DYM: variants seen among roughly 807,000 people sequenced by gnomAD.
DYM encodes dyggve-Melchior-Clausen syndrome protein.
A neutral mutation model predicts 93.1 loss-of-function variants in DYM; 78 were observed. That is an observed-to-expected ratio of 0.84 (90% CI 0.70 to 1.01). DYM has a LOEUF of 1.01. Among genes scored for constraint, DYM ranks in the 50% least tolerant of loss-of-function variants. The pLI is 0.00. For synonymous variants in DYM, 321 were observed against 319.7 expected (o/e 1.00, Z -0.04); for missense variants, 789 against 845.0 (o/e 0.93, Z 0.82).
Position 49,272,162 on chromosome 18 carries a change from A to G in DYM, c.1251+16T>C. 6.2e-7 allele frequency: 1 copy of G among 1,610,968 alleles called. No homozygotes were observed. Among genetic ancestry groups the G allele is most frequent in the Non-Finnish European group, 8.5e-7 (1 of 1,177,544 alleles). On this transcript the variant is annotated intron_variant, in intron 11 of 17. Transcript: ENST00000675505. The stretch of plus-strand genomic sequence containing the variant: ...TTCTGTTAACTCTAACTCTAATCCA[A>G]GTAATGGTAACTTACCACTTCATGA...
rs145996553 is a variant in DYM, at chr18:49,121,198, G to C, written c.1729-2272C>G. Among the ~76,000 whole-genome samples the C allele has an allele frequency of 2.6e-3, 394 of 152,264 alleles. 1 individual carries two copies. Among genetic ancestry groups the C allele is most frequent in the African/African-American group, 9.1e-3 (379 of 41,552 alleles). On this transcript the variant is annotated intron_variant, in intron 15 of 17. Transcript: ENST00000675505. ...ATTTCAGCAGAGTTAAAAACTATAA[G>C]AAAGAGACAAATGGTAATGCTAGAA...
chr18:49,112,185 A>G (rs1396261107), intron 16 of DYM, among the ~76,000 whole-genome samples: 5 of 137,870 alleles, frequency 3.6e-5, no homozygotes, highest in African/African-American at 1.3e-4. Context: ...GCACCATATG[A>G]AAGAAAGGTC....
intron 15 of DYM, among the ~76,000 whole-genome samples, chr18:49,158,507 G>A (rs2086689146): frequency 6.6e-6 from 1 of 152,150 alleles, no homozygotes; most frequent in Non-Finnish European, 1.5e-5. Context: ...GGATATGACA[G>A]CATACCTACT....
intron 8 of DYM, among the ~76,000 whole-genome samples, chr18:49,326,818 T>C (rs2062913217): frequency 6.6e-6 from 1 of 152,164 alleles, no homozygotes; most frequent in African/African-American, 2.4e-5. Flanking sequence ...CTTATTTTTA[T>C]TGACGTAGAA....
intron 17 of DYM, among the ~76,000 whole-genome samples, chr18:49,061,322 G>A (rs1223684922): frequency 6.6e-6 from 1 of 152,040 alleles, no homozygotes; most frequent in Non-Finnish European, 1.5e-5. Context: ...ATGTGGAGGT[G>A]GGGGGAAGGG....
rs568405161 is a variant in DYM at position 49,352,910 on chromosome 18, T to C, written c.494+10251A>G. 5.2e-4 allele frequency among the ~76,000 whole-genome samples: 79 copies of C among 152,248 alleles called. 2 individuals are homozygous for C. The South Asian group carries it at 0.015, about 29-fold the overall frequency. ...TTTTAAAGCTTTTCAATACTCTTTATTGAAATACAATATATCTACTGCAAA... is the reference window on the plus strand; with the variant it reads ...TTTTAAAGCTTTTCAATACTCTTTACTGAAATACAATATATCTACTGCAAA... On this transcript the variant is annotated intron_variant, in intron 6 of 17. Transcript: ENST00000675505.
chr18:49,050,638 C>T (rs1038820895), intron 17 of DYM, among the ~76,000 whole-genome samples: 1 of 152,052 alleles, frequency 6.6e-6, no homozygotes, highest in Non-Finnish European at 1.5e-5. Flanking sequence ...AGTTCACAGA[C>T]AGCCCAGTAG....
chr18:49,146,214 T>G (rs982542721), intron 15 of DYM, among the ~76,000 whole-genome samples: 2 of 152,180 alleles, frequency 1.3e-5, no homozygotes, highest in African/African-American at 4.8e-5. Flanking sequence ...GAAAGCTATT[T>G]ATGACAAACC....
At chr18:49,439,652 T>C (rs1440399679) in intron 1 of DYM, among the ~76,000 whole-genome samples, 1 of 152,180 alleles carries the variant, frequency 6.6e-6, no homozygotes, top group Admixed American at 6.5e-5. Flanking sequence ...GAGTACAATA[T>C]GCTAATTAAA....
At chr18:49,382,503 A>T (rs2068146229) in intron 3 of DYM, among the ~76,000 whole-genome samples, 1 of 152,226 alleles carries the variant, frequency 6.6e-6, no homozygotes, top group Non-Finnish European at 1.5e-5. Flanking sequence ...TTACATGATC[A>T]CAGTTAATTG....
chr18:49,407,300 C>T (rs1264581458), intron 2 of DYM, among the ~76,000 whole-genome samples: 1 of 152,134 alleles, frequency 6.6e-6, no homozygotes, highest in African/African-American at 2.4e-5. Flanking sequence ...TAGAGCTATA[C>T]ATAAACACAT....
At chr18:49,217,504 G>C (rs1211066297) in intron 13 of DYM, among the ~76,000 whole-genome samples, 3 of 152,184 alleles carry the variant, frequency 2.0e-5, no homozygotes, top group South Asian at 2.1e-4. Flanking sequence ...CAGCCAGAGA[G>C]AAAGGCCGGG....
At chr18:49,096,274 C>T (rs760778740) in intron 17 of DYM, among the ~76,000 whole-genome samples, 23 of 152,116 alleles carry the variant, frequency 1.5e-4, no homozygotes, top group Non-Finnish European at 2.9e-4. Context: ...TGTGAATCTC[C>T]CTGTTGTTTA....
intron 17 of DYM, among the ~76,000 whole-genome samples, chr18:49,084,987 C>T (rs1461133646): frequency 3.3e-5 from 5 of 152,220 alleles, no homozygotes; most frequent in African/African-American, 7.2e-5. Context: ...TATGAAAAGC[C>T]ATTATATGGA....
intron 10 of DYM, among the ~76,000 whole-genome samples, chr18:49,274,392 T>C (rs1368582711): frequency 6.6e-6 from 1 of 152,180 alleles, no homozygotes; most frequent in Non-Finnish European, 1.5e-5. Flanking sequence ...TCCATTCTTC[T>C]GTTGACTAGC....
intron 8 of DYM, among the ~76,000 whole-genome samples, chr18:49,309,915 C>T (rs930951505): frequency 4.6e-5 from 7 of 152,160 alleles, no homozygotes; most frequent in African/African-American, 1.2e-4. Context: ...CCTATCCAGA[C>T]GGCATGGACC....
In DYM at chr18:49,204,781, C is replaced by T. The variant is rs375108292; in HGVS notation, c.1625+4770G>A. 7.2e-5 allele frequency among the ~76,000 whole-genome samples: 11 copies of T among 152,268 alleles called. No homozygotes were observed. The East Asian group carries it at 1.2e-3, about 16-fold the overall frequency. ...AAGCCTAGCAATGAATTGAAATTCTCAAGCGCTTACTCAAAATTCTAAATT... is the reference window on the plus strand; with the variant it reads ...AAGCCTAGCAATGAATTGAAATTCTTAAGCGCTTACTCAAAATTCTAAATT... On this transcript the variant is annotated intron_variant, in intron 14 of 17. Coordinates refer to ENST00000675505, the MANE Select transcript of DYM (RefSeq NM_001353214.3).
chr18:49,189,477 T>TA (rs973315811), intron 14 of DYM, among the ~76,000 whole-genome samples: 1 of 151,988 alleles, frequency 6.6e-6, no homozygotes, highest in Admixed American at 6.6e-5. Context: ...CCAGAGTAGT[T>TA]AAAAAAACAA....
chr18:49,405,794 G>T (rs1465820520), intron 2 of DYM, among the ~76,000 whole-genome samples: 2 of 152,056 alleles, frequency 1.3e-5, no homozygotes, highest in Admixed American at 1.3e-4. Flanking sequence ...GAATAGTATT[G>T]TATCTGTAGA....
Sources: gnomAD v4.1 joint callset for allele counts (sites outside exome capture counted in the v4.1 genomes callset) on GRCh38, gnomAD v4.1.1 for gene constraint, MANE v1.5 for transcripts, NCBI Gene and HGNC (gene_info 2026-07-23, HGNC 2026-07-21) for gene names.